The following MED24 variants were observed in gnomAD, a reference collection of about 807,000 sequenced individuals.
MED24 encodes the protein mediator of RNA polymerase II transcription subunit 24.
MED24 carries 74 observed loss-of-function variants against 118.8 expected under a neutral mutation model. The observed-to-expected ratio is 0.62, with a 90% CI of 0.52 to 0.76. The LOEUF (loss-of-function observed/expected upper bound fraction) is 0.76. Ranked by LOEUF, MED24 falls within the 30% of genes least tolerant of loss-of-function variation. The pLI is 0.00. For missense variants in MED24, 1,041 were observed against 1,278.9 expected (o/e 0.81, Z 2.84); for synonymous variants, 521 against 523.9 (o/e 0.99, Z 0.08).
chr17:40,035,644 T>C, intron 5 of MED24, 78 bp downstream of exon 5: 1 of 1,498,520 alleles, frequency 6.7e-7, no homozygotes, highest in Non-Finnish European at 9.2e-7. Context: ...GGTCTCGGTC[T>C]GTGTGCTAGG....
At position 40,032,674 on chromosome 17, in the gene MED24, T is replaced by C. The variant is rs1983524675; in HGVS notation, c.911A>G (p.Lys304Arg). The change falls in exon 9 of 26, where the codon AAG becomes AGG. Residue 304 changes from lysine to arginine, a missense_variant. By Grantham distance (26) the Lys-to-Arg change is conservative. This residue lies in a region of MED24 where 434 missense variants were observed against 514.9 expected (regional missense o/e 0.84). Transcript: ENST00000394128. Reference protein sequence around the residue: ...IESPEGTEELKWTAFTFLKIP... With the variant: ...IESPEGTEELRWTAFTFLKIP... ...CTTGAGGAAAGTGAAAGCTGTCCAC[T>C]TGAGCTCCTCCGTACCCTCGGGAGA... 2 of 1,613,756 alleles carry C rather than the reference T, an allele frequency of 1.2e-6. No individual in the cohort carries two copies. Among genetic ancestry groups the C allele is most frequent in the Non-Finnish European group, 1.7e-6 (2 of 1,179,846 alleles).
intron 3 of MED24, among the ~76,000 whole-genome samples, chr17:40,042,325 T>C (rs1311190088): frequency 6.6e-6 from 1 of 152,190 alleles, no homozygotes; most frequent in Non-Finnish European, 1.5e-5. Flanking sequence ...AAGTGAAGAT[T>C]TGTCCACCAA....
At position 40,033,042 on chromosome 17, in the gene MED24, T is replaced by C. The variant is rs1272383814; in HGVS notation, c.822+14A>G. On this transcript the variant is annotated intron_variant, in intron 8 of 25. Transcript: ENST00000394128. The surrounding 1 kb of genome is among the most constrained non-coding windows in gnomAD (Gnocchi z 5.2). ...CCTGCCTTGGAGAAGGGAGAGCCAC[T>C]CGGCCCCTCCCACCTGCATGCGCTT... 4.3e-6 allele frequency: 7 copies of C among 1,613,210 alleles called. No homozygotes were observed. The South Asian group carries it at 5.5e-5, about 13-fold the overall frequency.
chr17:40,044,148 C>T (rs1236755951), intron 3 of MED24, among the ~76,000 whole-genome samples: 3 of 136,134 alleles, frequency 2.2e-5, no homozygotes, highest in Non-Finnish European at 4.7e-5. Flanking sequence ...AAAAAAAAGC[C>T]GTAACAAAAA....
rs759240770 is a variant in MED24 at position 40,022,845 on chromosome 17, G to A, written c.2251-19C>T. ...GCAGCTCCTAGTGCGCAGGAAAGGG[G>A]GCAGTTCAGGAGCCAGGGGCCCGGG... On this transcript the variant is annotated intron_variant, in intron 20 of 25. Coordinates refer to ENST00000394128, the MANE Select transcript of MED24 (RefSeq NM_014815.4). 9 of 1,610,974 alleles carry A rather than the reference G, an allele frequency of 5.6e-6. No homozygotes were observed. In the Admixed American group the frequency reaches 1.5e-4, roughly 27 times the overall value.
chr17:40,035,905 G>T, intron 4 of MED24, 110 bp from the exon 5 acceptor site: 3 of 1,185,996 alleles, frequency 2.5e-6, no homozygotes, highest in South Asian at 1.4e-5. Context: ...CCAACCCTGG[G>T]TTCCAGACTC....
chr17:40,023,529 C>CGCTGGGGT, intron 19 of MED24, 134 bp from the exon 20 acceptor site: 1 of 852,014 alleles, frequency 1.2e-6, no homozygotes, highest in Non-Finnish European at 1.8e-6. Context: ...CCCAGTTTTG[C>CGCTGGGGT]GCTGGGGGAC....
chr17:40,033,653 A>C lies in MED24; in HGVS notation c.560-197T>G. 1 of 691,790 alleles carries C rather than the reference A, an allele frequency of 1.4e-6. No individual in the cohort carries two copies. The highest frequency in any genetic ancestry group is 2.0e-5 in the Admixed American group (1 of 49,536). The allele number at this position is 691,790 out of a possible 1,614,324, so 42.9% of individuals were successfully genotyped here. A position where few individuals can be genotyped will look rare whatever the true frequency, so the allele number is the denominator to read the frequency against. ...AAGGGGGGTGGGCACCTAGAGCTGG[A>C]AACCCCAGAGACCATTCCCAAAAGC... On this transcript the variant is annotated intron_variant, in intron 6 of 25. Transcript: ENST00000394128. This position sits in a 1 kb window ranked among gnomAD's most constrained non-coding sequence, Gnocchi z 5.2.
In MED24 at chr17:40,053,387, G is replaced by C. The variant is rs370101587; in HGVS notation, c.131-7C>G. 164 of 1,613,372 alleles carry C rather than the reference G, an allele frequency of 1.0e-4. 1 individual carries two copies. The African/African-American group carries it at 1.8e-3, about 18-fold the overall frequency. ...GCCTGCTCTAGTAACGCATCTGCAA[G>C]AGGAATAGCAAAACACAACTGAGTG... is the stretch of plus-strand genomic sequence containing the variant. On this transcript the variant is annotated splice_polypyrimidine_tract_variant and splice_region_variant and intron_variant, in intron 2 of 25. Coordinates refer to ENST00000394128, the MANE Select transcript of MED24 (RefSeq NM_014815.4).
chr17:40,032,218 A>G (rs1442698420), intron 9 of MED24, 128 bp from the exon 10 acceptor site: 3 of 1,096,120 alleles, frequency 2.7e-6, no homozygotes, highest in South Asian at 2.6e-5. Context: ...TGGGAGTGAG[A>G]GCACACTTAG....
At chr17:40,050,739 G>A (rs1056621650) in intron 3 of MED24, among the ~76,000 whole-genome samples, 4 of 152,304 alleles carry the variant, frequency 2.6e-5, no homozygotes, top group Admixed American at 6.5e-5. Flanking sequence ...GTGGGAGTGG[G>A]GTGAGGGTTG....
intron 6 of MED24, 88 bp downstream of exon 6, chr17:40,035,029 G>A (rs1568166818): frequency 4.3e-6 from 7 of 1,610,410 alleles, no homozygotes; most frequent in Non-Finnish European, 5.9e-6. Context: ...GGAAAGAGGT[G>A]GGATGGCATC....
At chr17:40,045,603 G>A (rs1985079708) in intron 3 of MED24, among the ~76,000 whole-genome samples, 1 of 152,176 alleles carries the variant, frequency 6.6e-6, no homozygotes. Context: ...TGAGCAACAT[G>A]GCGAAACCGT....
intron 23 of MED24, among the ~76,000 whole-genome samples, chr17:40,020,956 C>T (rs559100291): frequency 4.5e-4 from 69 of 152,176 alleles, no homozygotes; most frequent in Non-Finnish European, 9.1e-4. Flanking sequence ...GCCTGTAGTC[C>T]CAGAGACTCA....
In MED24 at chr17:40,033,903, C is replaced by T; in HGVS notation, c.560-447G>A. 2.7e-6 allele frequency: 1 copy of T among 372,470 alleles called. No homozygotes were observed. 23.1% of individuals were successfully genotyped at this position (372,470 alleles called of 1,614,324 possible). On this transcript the variant is annotated intron_variant, in intron 6 of 25. Coordinates refer to ENST00000394128, the MANE Select transcript of MED24 (RefSeq NM_014815.4). This position sits in a 1 kb window ranked among gnomAD's most constrained non-coding sequence, Gnocchi z 5.2. Reference sequence around the variant, plus strand: ...GCTTTCTCATTCTCAACCACTCCCTCATCTAGGCATTGCGTTTGCTGCCCT... The same window carrying T: ...GCTTTCTCATTCTCAACCACTCCCTTATCTAGGCATTGCGTTTGCTGCCCT...
chr17:40,020,890 T>C (rs1219444980), intron 23 of MED24, among the ~76,000 whole-genome samples: 2 of 151,992 alleles, frequency 1.3e-5, no homozygotes, highest in African/African-American at 4.8e-5. Context: ...CTGACCAATA[T>C]GGTGAAACCC....
chr17:40,047,585 C>T (rs1425666196), intron 3 of MED24, among the ~76,000 whole-genome samples: 2 of 151,440 alleles, frequency 1.3e-5, no homozygotes, highest in Non-Finnish European at 2.9e-5. Flanking sequence ...TAGCTTGGAC[C>T]TGGGAGGCGG....
chr17:40,053,894 G>A, intron 1 of MED24: 5 of 582,038 alleles, frequency 8.6e-6, no homozygotes, highest in East Asian at 5.7e-5. Context: ...ACTTCGGGAG[G>A]CAGAGGCGGG....
chr17:40,036,087 A>C, intron 4 of MED24, 29 bp downstream of exon 4: 1 of 1,602,550 alleles, frequency 6.2e-7, no homozygotes. Flanking sequence ...GTCATCCCCA[A>C]TCTAGCTCCT....
Sources: allele counts gnomAD v4.1 joint callset (sites outside exome capture counted in the v4.1 genomes callset), GRCh38; gene constraint gnomAD v4.1.1; regional missense constraint gnomAD v4.1.1; non-coding constraint Gnocchi (gnomAD v3.1); transcripts MANE v1.5; gene names NCBI Gene and HGNC (gene_info 2026-07-23, HGNC 2026-07-21).